Variants in PLD5 observed in about 807,000 individuals in gnomAD.
The protein encoded by PLD5 is phospholipase D family member 5.
A neutral mutation model predicts 61.1 loss-of-function variants in PLD5; 36 were observed. The ratio of observed to expected loss-of-function variants is 0.59; its 90% CI spans 0.45 to 0.78. The LOEUF is 0.78. Among genes scored for constraint, PLD5 ranks in the 30% least tolerant of loss-of-function variants. PLD5 has a pLI of 0.00. For missense variants in PLD5, 515 were observed against 644.4 expected (o/e 0.80, Z 2.17); for synonymous variants, 243 against 242.8 (o/e 1.00, Z -0.01).
At chr1:242,411,951 A>AT (rs1664581783) in intron 1 of PLD5, among the ~76,000 whole-genome samples, 1 of 151,838 alleles carries the variant, frequency 6.6e-6, no homozygotes, top group Non-Finnish European at 1.5e-5. Flanking sequence ...AGAAAAAAAA[A>AT]GGAGAGAGGG....
At chr1:242,163,423 G>C (rs996252060) in intron 5 of PLD5, among the ~76,000 whole-genome samples, 6 of 151,876 alleles carry the variant, frequency 4.0e-5, no homozygotes, top group Admixed American at 2.6e-4. Flanking sequence ...GATTACAGGC[G>C]TGAGCCACTG....
intron 1 of PLD5, among the ~76,000 whole-genome samples, chr1:242,388,319 T>C (rs1320867220): frequency 6.6e-6 from 1 of 152,142 alleles, no homozygotes; most frequent in Non-Finnish European, 1.5e-5. Flanking sequence ...ATGTGAAATG[T>C]GTGGTCCTGA....
intron 1 of PLD5, among the ~76,000 whole-genome samples, chr1:242,487,959 C>T (rs1337594121): frequency 6.6e-6 from 1 of 151,922 alleles, no homozygotes; most frequent in Admixed American, 6.6e-5. Context: ...CATGACCTTG[C>T]TAAATTTACT....
intron 5 of PLD5, among the ~76,000 whole-genome samples, chr1:242,194,282 A>C (rs1346110222): frequency 6.6e-6 from 1 of 152,194 alleles, no homozygotes; most frequent in African/African-American, 2.4e-5. Flanking sequence ...AGGGCCTATA[A>C]GTATGTGTGT....
At chr1:242,431,451 C>T (rs538347363) in intron 1 of PLD5, among the ~76,000 whole-genome samples, 6 of 152,326 alleles carry the variant, frequency 3.9e-5, no homozygotes, top group African/African-American at 1.4e-4. Flanking sequence ...TCATCCACAT[C>T]ATTCTGCCTA....
At chr1:242,370,085 C>T (rs1461243860) in intron 1 of PLD5, among the ~76,000 whole-genome samples, 1 of 152,072 alleles carries the variant, frequency 6.6e-6, no homozygotes, top group African/African-American at 2.4e-5. Flanking sequence ...GACACACCAA[C>T]AAACAAAAAG....
intron 2 of PLD5, among the ~76,000 whole-genome samples, chr1:242,327,939 A>C (rs957340802): frequency 6.6e-6 from 1 of 152,032 alleles, no homozygotes; most frequent in African/African-American, 2.4e-5. Flanking sequence ...GTTAGAAGAA[A>C]AAAAAAATTA....
At position 242,420,440 on chromosome 1, in the gene PLD5, C is replaced by A. The variant is rs529647040; in HGVS notation, c.190-72198G>T. On this transcript the variant is annotated intron_variant, in intron 1 of 9. Transcript: ENST00000536534. ...CAACTCCGTTACACAGTTTCCTACT[C>A]CTATGTTATTCCTTAATTCTTTCTT... is the stretch of plus-strand genomic sequence containing the variant. 2.6e-5 allele frequency among the ~76,000 whole-genome samples: 4 copies of A among 152,270 alleles called. No individual in the cohort carries two copies. The South Asian group carries it at 8.3e-4, about 32-fold the overall frequency.
At chr1:242,237,107 A>AATTCT (rs1671687012) in intron 4 of PLD5, among the ~76,000 whole-genome samples, 1 of 152,152 alleles carries the variant, frequency 6.6e-6, no homozygotes, top group Non-Finnish European at 1.5e-5. Context: ...AGCTCAGGGG[A>AATTCT]ATTCTCTTAA....
chr1:242,149,171 T>C (rs747034898), intron 5 of PLD5, among the ~76,000 whole-genome samples: 11 of 151,840 alleles, frequency 7.2e-5, no homozygotes, highest in Non-Finnish European at 1.5e-4. Context: ...TCAACAAAGA[T>C]TCCTTTTAAC....
chr1:242,512,035 A>C (rs1230476703), intron 1 of PLD5, among the ~76,000 whole-genome samples: 1 of 152,130 alleles, frequency 6.6e-6, no homozygotes, highest in Non-Finnish European at 1.5e-5. Context: ...ATTTCAGGGA[A>C]TGGAAAACTT....
At chr1:242,458,075 C>T (rs1052421872) in intron 1 of PLD5, among the ~76,000 whole-genome samples, 1 of 152,190 alleles carries the variant, frequency 6.6e-6, no homozygotes, top group South Asian at 2.1e-4. Context: ...TGTCACACTA[C>T]TGTCTGGTCA....
At chr1:242,323,341 A>T (rs1397665818) in intron 2 of PLD5, among the ~76,000 whole-genome samples, 1 of 152,118 alleles carries the variant, frequency 6.6e-6, no homozygotes, top group Non-Finnish European at 1.5e-5. Context: ...AGTTATTTTC[A>T]TTACCCTCCC....
chr1:242,344,661 T>G (rs1373911452), intron 2 of PLD5, among the ~76,000 whole-genome samples: 1 of 152,158 alleles, frequency 6.6e-6, no homozygotes, highest in Non-Finnish European at 1.5e-5. Flanking sequence ...TGACACAGAT[T>G]TTTTTAATCT....
At chr1:242,325,433 G>C (rs1191544575) in intron 2 of PLD5, among the ~76,000 whole-genome samples, 1 of 137,640 alleles carries the variant, frequency 7.3e-6, no homozygotes, top group Non-Finnish European at 1.6e-5. Context: ...AGAAAGGGGT[G>C]GGGGGGAGAG....
chr1:242,367,035 CT>C (rs1661384305), intron 1 of PLD5, among the ~76,000 whole-genome samples: 1 of 151,934 alleles, frequency 6.6e-6, no homozygotes, highest in Admixed American at 6.6e-5. Context: ...CAGAGGGCAT[CT>C]TTTTTAAAAT....
chr1:242,529,899 A>G, the PLD5 span, among the ~76,000 whole-genome samples: 17 of 144,156 alleles, frequency 1.2e-4, no homozygotes, highest in African/African-American at 3.9e-4. Flanking sequence ...ACAGAGTTTC[A>G]CTCCTGTTAC....
chr1:242,243,812 TCTGCTGAAAA>T (rs1672203380), intron 4 of PLD5, among the ~76,000 whole-genome samples: 1 of 152,224 alleles, frequency 6.6e-6, no homozygotes, highest in African/African-American at 2.4e-5. Flanking sequence ...TTAACACTAT[TCTGCTGAAAA>T]TTCAGTAGAG....
intron 4 of PLD5, among the ~76,000 whole-genome samples, chr1:242,240,465 T>C (rs1176381351): frequency 2.0e-5 from 3 of 152,222 alleles, no homozygotes; most frequent in Non-Finnish European, 2.9e-5. Context: ...TAATAGCGAA[T>C]GTAATGACCT....
Sources: allele counts gnomAD v4.1 joint callset (sites outside exome capture counted in the v4.1 genomes callset), GRCh38; gene constraint gnomAD v4.1.1; transcripts MANE v1.5; gene names NCBI Gene and HGNC (gene_info 2026-07-23, HGNC 2026-07-21).